ATF6: variants seen among roughly 807,000 people sequenced by gnomAD.
ATF6 encodes the protein cyclic AMP-dependent transcription factor ATF-6 alpha.
Under a neutral mutation model 83.6 loss-of-function variants are expected in ATF6, and 53 were observed. The ratio of observed to expected loss-of-function variants is 0.63; its 90% CI spans 0.51 to 0.80. ATF6 has a LOEUF of 0.80. ATF6 is among the 30% of genes least tolerant of loss of function. The pLI, the probability that ATF6 is intolerant of heterozygous loss-of-function variation, is 0.00. For missense variants in ATF6, 744 were observed against 797.9 expected (o/e 0.93, Z 0.81); for synonymous variants, 288 against 285.8 (o/e 1.01, Z -0.08).
At chr1:161,872,512 A>G (rs1337327993) in intron 14 of ATF6, among the ~76,000 whole-genome samples, 1 of 151,630 alleles carries the variant, frequency 6.6e-6, no homozygotes, top group Non-Finnish European at 1.5e-5. Context: ...GCCAGCAGGG[A>G]AACACAGAGG....
chr1:161,823,340 T>TG (rs1557979752), intron 9 of ATF6, among the ~76,000 whole-genome samples: 1 of 152,100 alleles, frequency 6.6e-6, no homozygotes, highest in African/African-American at 2.4e-5. Context: ...ATATTTTTTT[T>TG]GGGGGGAAGC....
intron 7 of ATF6, among the ~76,000 whole-genome samples, chr1:161,815,184 A>ATTTTTTTTTTTTTTTTT (rs34687938): frequency 1.0e-5 from 1 of 96,452 alleles, no homozygotes; most frequent in Non-Finnish European, 1.9e-5. Context: ...TCCCATTTTA[A>ATTTTTTTTTTTTTTTTT]TTTTTTTTTT....
intron 1 of ATF6, among the ~76,000 whole-genome samples, chr1:161,767,916 C>T (rs56371448): frequency 2.0e-5 from 3 of 152,074 alleles, no homozygotes; most frequent in Admixed American, 6.5e-5. Flanking sequence ...AGTGTAATGG[C>T]GCAATCTTGG....
intron 6 of ATF6, among the ~76,000 whole-genome samples, chr1:161,797,248 T>A (rs1320362625): frequency 1.3e-5 from 2 of 152,142 alleles, no homozygotes; most frequent in South Asian, 2.1e-4. Context: ...TACATTCCCT[T>A]TGAGAACCAG....
chr1:161,830,795 A>T (rs1686037286), intron 9 of ATF6, among the ~76,000 whole-genome samples: 2 of 152,236 alleles, frequency 1.3e-5, no homozygotes, highest in African/African-American at 4.8e-5. Flanking sequence ...ACAAAAATTA[A>T]TTCAAGATGG....
intron 14 of ATF6, among the ~76,000 whole-genome samples, chr1:161,870,830 T>G (rs1687107931): frequency 6.6e-6 from 1 of 151,788 alleles, no homozygotes. Context: ...TAATACGAAG[T>G]CTTCAAAATT....
At position 161,902,002 on chromosome 1, in the gene ATF6, G is replaced by T. The variant is rs111998161; in HGVS notation, c.1720-10294G>T. ...AAATCACATTCATTAATATCACCAC[G>T]AATCACATCAAGAAGGTCATACTCA... On this transcript the variant is annotated intron_variant, in intron 14 of 15. Transcript: ENST00000367942. Among the ~76,000 whole-genome samples the T allele has an allele frequency of 9.9e-3, 1,507 of 152,112 alleles. 8 individuals carry two copies. The highest frequency in any genetic ancestry group is 0.017 in the South Asian group (83 of 4,820).
intron 14 of ATF6, among the ~76,000 whole-genome samples, chr1:161,877,520 T>G (rs1287796946): frequency 2.0e-5 from 3 of 151,928 alleles, no homozygotes; most frequent in Non-Finnish European, 4.4e-5. Context: ...GACAGGAGAC[T>G]AGTGAATGGG....
chr1:161,846,498 A>T lies in ATF6; in HGVS notation c.1237A>T (p.Asn413Tyr), dbSNP rs763231015. 3.5e-5 allele frequency: 57 copies of T among 1,611,332 alleles called. No homozygotes were observed. The South Asian group carries it at 6.3e-4, about 18-fold the overall frequency. Residue 413 changes from asparagine (N) to tyrosine (Y), a missense_variant, in exon 10 of 16, where the codon AAT becomes TAT. Asn to Tyr is a moderately radical substitution (Grantham distance 143, BLOSUM62 -2). Transcript: ENST00000367942. ...AATGAACCCTAGTGTGAGCCCTGCA[A>T]ATCAAAGGAGGCACCTTCTAGGATT... ...RRMNPSVSPA[N>Y]QRRHLLGFSA...
At chr1:161,778,178 A>T in intron 1 of ATF6, 66 bp from the exon 2 acceptor site, 1 of 1,323,204 alleles carries the variant, frequency 7.6e-7, no homozygotes, top group South Asian at 1.2e-5. Flanking sequence ...ATAGGGACAC[A>T]GTGCTTGTTT....
At chr1:161,909,425 T>C (rs1687943740) in intron 14 of ATF6, among the ~76,000 whole-genome samples, 1 of 152,128 alleles carries the variant, frequency 6.6e-6, no homozygotes, top group East Asian at 1.9e-4. Flanking sequence ...CTAGGAAATA[T>C]AGTCTTTATT....
At position 161,899,687 on chromosome 1, in the gene ATF6, CA is replaced by C. The variant is rs1389498940; in HGVS notation, c.1720-12605del. On this transcript the variant is annotated intron_variant, in intron 14 of 15. Transcript: ENST00000367942. The stretch of plus-strand genomic sequence containing the variant: ...TTAAATAAAGTAAGTGTAGTCAACT[CA>C]AAACTCCACTGCCTTATTCCTCTGG... Among the ~76,000 whole-genome samples, 3 of 152,228 alleles carry C rather than the reference CA, an allele frequency of 2.0e-5. No homozygotes were observed. The East Asian group carries it at 5.8e-4, about 29-fold the overall frequency.
At chr1:161,934,071 C>T (rs1414916795) in intron 15 of ATF6, among the ~76,000 whole-genome samples, 1 of 152,156 alleles carries the variant, frequency 6.6e-6, no homozygotes, top group African/African-American at 2.4e-5. Flanking sequence ...TGTACGTAAA[C>T]AGGCTGGATT....
At chr1:161,955,925 T>G (rs1410766595) in intron 15 of ATF6, among the ~76,000 whole-genome samples, 1 of 152,180 alleles carries the variant, frequency 6.6e-6, no homozygotes, top group Non-Finnish European at 1.5e-5. Context: ...AGCCTGAGTC[T>G]CCTTCTGGTT....
intron 9 of ATF6, among the ~76,000 whole-genome samples, chr1:161,825,511 G>C (rs1685873028): frequency 6.6e-6 from 1 of 152,170 alleles, no homozygotes; most frequent in Admixed American, 6.5e-5. Context: ...ATTCCCTCTT[G>C]AGGTTTGATA....
chr1:161,908,462 A>G (rs146319316), intron 14 of ATF6, among the ~76,000 whole-genome samples: 54 of 152,332 alleles, frequency 3.5e-4, no homozygotes, highest in African/African-American at 1.3e-3. Context: ...CTCATGCACA[A>G]TATTGCACAA....
At chr1:161,934,836 G>GA (rs1461077772) in intron 15 of ATF6, among the ~76,000 whole-genome samples, 1 of 152,144 alleles carries the variant, frequency 6.6e-6, no homozygotes, top group Non-Finnish European at 1.5e-5. Flanking sequence ...GAAGAGTCAT[G>GA]ACCAACTTTC....
rs1018845293 is a variant in ATF6, at chr1:161,961,951, G to C, written c.*3297G>C. The C allele has an allele frequency of 3.9e-5, 6 of 152,198 alleles. No individual in the cohort carries two copies. The highest frequency in any genetic ancestry group is 1.4e-4 in the African/African-American group (6 of 41,448). 9.4% of individuals were successfully genotyped at this position (152,198 alleles called of 1,614,324 possible). On this transcript the variant is annotated 3_prime_UTR_variant, in exon 16 of 16. Transcript: ENST00000367942. ...AGTACAGGGACACAGCTTCATTAGA[G>C]TGTTAGTGTAAACTAACTCCAAAGT... is the stretch of plus-strand genomic sequence containing the variant.
chr1:161,789,246 C>T (rs1684823125), intron 4 of ATF6, among the ~76,000 whole-genome samples: 1 of 141,606 alleles, frequency 7.1e-6, no homozygotes. Flanking sequence ...TGTCTTATTC[C>T]TTCTCCTTTT....
Sources: allele counts gnomAD v4.1 joint callset (sites outside exome capture counted in the v4.1 genomes callset), GRCh38; gene constraint gnomAD v4.1.1; transcripts MANE v1.5; gene names NCBI Gene and HGNC (gene_info 2026-07-23, HGNC 2026-07-21).